The following TMEM74 variants were observed in gnomAD, a reference collection of about 807,000 sequenced individuals.
TMEM74 encodes the protein transmembrane protein 74.
In TMEM74, 13 loss-of-function variants were observed where a neutral mutation model predicts 18.1. The ratio of observed to expected loss-of-function variants is 0.72; its 90% CI spans 0.47 to 1.14. The LOEUF is 1.14. TMEM74 is among the 50% of genes most tolerant of loss of function. The pLI, the probability that TMEM74 is intolerant of heterozygous loss-of-function variation, is 0.00. For synonymous variants in TMEM74, 159 were observed against 146.6 expected (o/e 1.08, Z -0.61); for missense variants, 372 against 375.9 (o/e 0.99, Z 0.09).
rs114347048 is a variant in TMEM74 at position 108,639,369 on chromosome 8, T to A, written n.264+15924A>T. 6.4e-3 allele frequency among the ~76,000 whole-genome samples: 971 copies of A among 152,204 alleles called. 13 individuals carry two copies. The highest frequency in any genetic ancestry group is 0.021 in the African/African-American group (874 of 41,546). ...GGCTCATGAGCTTAACCACATGCAA[T>A]CAAACTACAATTTGGTGAACTGTGA... is the stretch of plus-strand genomic sequence containing the variant. On this transcript the variant is annotated intron_variant and non_coding_transcript_variant, in intron 2 of 3. Transcript: ENST00000518838.
At chr8:108,638,108 AC>A (rs1315349447) in intron 2 of TMEM74, among the ~76,000 whole-genome samples, 2 of 152,154 alleles carry the variant, frequency 1.3e-5, no homozygotes, top group Non-Finnish European at 2.9e-5. Flanking sequence ...TGAAAGTAGA[AC>A]TGTGGGAAGG....
intron 1 of TMEM74, among the ~76,000 whole-genome samples, chr8:108,656,814 A>G (rs1006938009): frequency 6.6e-6 from 1 of 152,206 alleles, no homozygotes; most frequent in Non-Finnish European, 1.5e-5. Flanking sequence ...CGTGCAAAAG[A>G]AATTCTGCTT....
At chr8:108,673,075 G>A (rs757550898) in intron 1 of TMEM74, among the ~76,000 whole-genome samples, 3 of 152,142 alleles carry the variant, frequency 2.0e-5, no homozygotes, top group Non-Finnish European at 4.4e-5. Flanking sequence ...GTCTTCTGAA[G>A]GACATAGATT....
At chr8:108,640,535 GT>G (rs751096054) in intron 2 of TMEM74, among the ~76,000 whole-genome samples, 9 of 151,984 alleles carry the variant, frequency 5.9e-5, no homozygotes, top group Middle Eastern at 3.4e-3. Flanking sequence ...TCAATCTAAA[GT>G]TATTCTCTTC....
rs2129672970 is a variant in TMEM74 at position 108,785,078 on chromosome 8, A to T, written c.21T>A (p.Ala7=). ...AGAGGTCTGCCTGGTTGCTCTTCTTAGCAAGGTAGTGGAGCTCCATGAGAG... is the reference window on the plus strand; with the variant it reads ...AGAGGTCTGCCTGGTTGCTCTTCTTTGCAAGGTAGTGGAGCTCCATGAGAG... MELHYL[A]KKSNQADLCD... The change falls in exon 2 of 2, where the codon GCT becomes GCA. Residue 7 remains alanine, a synonymous_variant. Transcript: ENST00000297459. 2.5e-6 allele frequency: 4 copies of T among 1,607,744 alleles called. No homozygotes were observed. Among genetic ancestry groups the T allele is most frequent in the Non-Finnish European group, 3.4e-6 (4 of 1,177,492 alleles).
chr8:108,676,431 C>T (rs1341780422), intron 1 of TMEM74, among the ~76,000 whole-genome samples: 1 of 152,060 alleles, frequency 6.6e-6, no homozygotes, highest in Non-Finnish European at 1.5e-5. Flanking sequence ...CAGGCACAGT[C>T]CCCCCTCAAA....
intron 1 of TMEM74, among the ~76,000 whole-genome samples, chr8:108,706,478 A>G (rs111889050): frequency 1.3e-5 from 2 of 152,064 alleles, no homozygotes; most frequent in African/African-American, 4.8e-5. Context: ...TAAGTCTTGG[A>G]GGTTTGGTTT....
At chr8:108,716,914 A>G (rs181417019) in intron 1 of TMEM74, among the ~76,000 whole-genome samples, 2 of 152,104 alleles carry the variant, frequency 1.3e-5, no homozygotes, top group Admixed American at 1.3e-4. Context: ...CATATTATAC[A>G]TATTTCTACC....
intron 1 of TMEM74, among the ~76,000 whole-genome samples, chr8:108,696,418 T>G (rs1295760871): frequency 6.6e-6 from 1 of 152,272 alleles, no homozygotes; most frequent in Admixed American, 6.5e-5. Flanking sequence ...TTGGTCTGCA[T>G]GTTCATGAGA....
chr8:108,655,637 A>G (rs757311205), intron 1 of TMEM74, among the ~76,000 whole-genome samples: 18 of 152,162 alleles, frequency 1.2e-4, no homozygotes, highest in Non-Finnish European at 2.6e-4. Context: ...GCTGGATTCC[A>G]GGAGAATTTC....
At chr8:108,707,720 G>A (rs1813430569) in intron 1 of TMEM74, among the ~76,000 whole-genome samples, 1 of 152,082 alleles carries the variant, frequency 6.6e-6, no homozygotes, top group Admixed American at 6.5e-5. Context: ...TTAACTGTAA[G>A]AACAGAAACT....
intron 1 of TMEM74, among the ~76,000 whole-genome samples, chr8:108,731,321 T>C (rs1222552429): frequency 6.6e-6 from 1 of 150,664 alleles, no homozygotes; most frequent in East Asian, 2.0e-4. Flanking sequence ...TCTGGGAAAA[T>C]GTACAATCTT....
At chr8:108,608,559 T>C (rs1387847693) in intron 3 of TMEM74, among the ~76,000 whole-genome samples, 1 of 152,134 alleles carries the variant, frequency 6.6e-6, no homozygotes, top group African/African-American at 2.4e-5. Flanking sequence ...TCTATGCAAA[T>C]AGAATTGCTC....
At chr8:108,769,502 T>A (rs1814147946) in intron 1 of TMEM74, among the ~76,000 whole-genome samples, 1 of 152,174 alleles carries the variant, frequency 6.6e-6, no homozygotes, top group African/African-American at 2.4e-5. Context: ...CCTAGTTGCC[T>A]GTGCCCGACC....
chr8:108,627,232 T>C (rs1252071239), intron 2 of TMEM74, among the ~76,000 whole-genome samples: 4 of 151,980 alleles, frequency 2.6e-5, no homozygotes, highest in Admixed American at 2.6e-4. Flanking sequence ...CTCCCACACT[T>C]CCAGATGGTC....
At chr8:108,733,654 T>A (rs1423094213) in intron 1 of TMEM74, among the ~76,000 whole-genome samples, 1 of 152,254 alleles carries the variant, frequency 6.6e-6, no homozygotes, top group African/African-American at 2.4e-5. Flanking sequence ...TTTAACATTT[T>A]GAAAATATCT....
chr8:108,773,272 G>A (rs1488814815), intron 1 of TMEM74, among the ~76,000 whole-genome samples: 3 of 151,972 alleles, frequency 2.0e-5, no homozygotes, highest in African/African-American at 4.8e-5. Context: ...AAGGCTCAAA[G>A]TCAGCTCTGA....
intron 1 of TMEM74, among the ~76,000 whole-genome samples, chr8:108,767,141 A>G (rs574048939): frequency 6.6e-6 from 1 of 152,274 alleles, no homozygotes; most frequent in Non-Finnish European, 1.5e-5. Context: ...TTGACACTCA[A>G]TATTAACCAT....
At chr8:108,755,243 A>T (rs1813948144) in intron 1 of TMEM74, among the ~76,000 whole-genome samples, 1 of 152,096 alleles carries the variant, frequency 6.6e-6, no homozygotes, top group Non-Finnish European at 1.5e-5. Flanking sequence ...CTTGAAGCAG[A>T]TTCCTCCAGT....
Sources: gnomAD v4.1 joint callset for allele counts (sites outside exome capture counted in the v4.1 genomes callset) on GRCh38, gnomAD v4.1.1 for gene constraint, MANE v1.5 for transcripts, NCBI Gene and HGNC (gene_info 2026-07-23, HGNC 2026-07-21) for gene names.